Variants in WIPI2 observed in about 807,000 individuals in gnomAD.
WIPI2 encodes the protein WD repeat domain, phosphoinositide interacting 2.
In WIPI2, 28 loss-of-function variants were observed where a neutral mutation model predicts 52.3. That is an observed-to-expected ratio of 0.54 (90% CI 0.40 to 0.73). The LOEUF (loss-of-function observed/expected upper bound fraction) is 0.73, where lower values mean the gene tolerates loss of function less well. Among genes scored for constraint, WIPI2 ranks in the 30% least tolerant of loss-of-function variants. The probability of loss-of-function intolerance (pLI) is 0.00; values close to 1 mark genes in which losing one functional copy is unlikely to be tolerated. For missense variants in WIPI2, 506 were observed against 602.9 expected, an observed-to-expected ratio of 0.84 and a Z score of 1.68; for synonymous variants, 268 against 245.0, an observed-to-expected ratio of 1.09 and a Z score of -0.88.
chr7:5,232,635 C>T lies in WIPI2; in HGVS notation c.*1688C>T, dbSNP rs10242373. 626 of 259,908 alleles carry T rather than the reference C, an allele frequency of 2.4e-3. 7 individuals carry two copies. The highest frequency in any genetic ancestry group is 0.013 in the African/African-American group (577 of 45,574). 16.1% of individuals were successfully genotyped at this position (259,908 alleles called of 1,614,324 possible). A position where few individuals can be genotyped will look rare whatever the true frequency, so the allele number is the denominator to read the frequency against. ...GAGAAGGGCCGCGGCAGCACGCAGC[C>T]TTGACCCACGCCTGCGTCTTGTGGT... On this transcript the variant is annotated 3_prime_UTR_variant, in exon 13 of 13. Coordinates refer to ENST00000288828, the MANE Select transcript of WIPI2 (RefSeq NM_015610.4).
At position 5,217,118 on chromosome 7, in the gene WIPI2, C is replaced by G. The variant is rs1392919707; in HGVS notation, c.507C>G (p.Asp169Glu). ...AGLCALSINN[D>E]NCYLAYPGSA... ...TGTGTGCGCTGTCAATCAACAACGA[C>G]AACTGCTACTTGGCGTACCCAGGGA... Residue 169 changes from aspartate to glutamate, a missense_variant, in exon 6 of 13, where the codon GAC (aspartate) becomes GAG (glutamate). By Grantham distance (45) the Asp-to-Glu change is conservative. Transcript: ENST00000288828. 2.6e-5 allele frequency: 42 copies of G among 1,613,634 alleles called. No homozygotes were observed. Among genetic ancestry groups the G allele is most frequent in the Non-Finnish European group, 3.6e-5 (42 of 1,179,650 alleles).
intron 3 of WIPI2, among the ~76,000 whole-genome samples, chr7:5,201,602 C>T (rs1195161309): frequency 6.6e-6 from 1 of 152,162 alleles, no homozygotes; most frequent in Non-Finnish European, 1.5e-5. Flanking sequence ...AAAAATTAGC[C>T]AGGCATGGTG....
Position 5,190,507 on chromosome 7 carries a change from CG to C in WIPI2, c.74+19del. 11 of 1,490,046 alleles carry C rather than the reference CG, an allele frequency of 7.4e-6. No homozygotes were observed. The highest frequency in any genetic ancestry group is 2.9e-5 in the East Asian group (1 of 34,686). The allele number at this position is 1,490,046 out of a possible 1,614,324, so 92.3% of individuals were successfully genotyped here. On this transcript the variant is annotated intron_variant, in intron 1 of 12. Transcript: ENST00000288828. ...CCAGGACAACACGTAAGGCCGGGGT[CG>C]GGGGTCGGAGTCGGGGTGAGGCCAG... is the stretch of plus-strand genomic sequence containing the variant.
intron 4 of WIPI2, 124 bp from the exon 5 acceptor site, chr7:5,216,439 A>C: frequency 1.3e-6 from 1 of 780,616 alleles, no homozygotes; most frequent in South Asian, 1.8e-5. Flanking sequence ...CTCCAAAAAA[A>C]TAAAATACAA....
intron 8 of WIPI2, among the ~76,000 whole-genome samples, chr7:5,224,453 T>A (rs1465712907): frequency 6.6e-6 from 1 of 152,210 alleles, no homozygotes; most frequent in Non-Finnish European, 1.5e-5. Context: ...AGCCGATTCA[T>A]CAAGATGGGA....
intron 8 of WIPI2, among the ~76,000 whole-genome samples, chr7:5,224,712 T>A (rs1783340602): frequency 6.6e-6 from 1 of 152,228 alleles, no homozygotes. Context: ...TTCATTGATC[T>A]GTGTGGGGCC....
chr7:5,215,636 C>G (rs1180659433), intron 4 of WIPI2, among the ~76,000 whole-genome samples: 1 of 152,246 alleles, frequency 6.6e-6, no homozygotes, highest in Non-Finnish European at 1.5e-5. Flanking sequence ...GATACAGTGA[C>G]TAGGTGAAGT....
At chr7:5,199,063 A>G (rs149458658) in intron 2 of WIPI2, among the ~76,000 whole-genome samples, 17 of 152,310 alleles carry the variant, frequency 1.1e-4, no homozygotes, top group African/African-American at 4.1e-4. Context: ...TCCGTCTCCC[A>G]GGCTGGAGTG....
intron 3 of WIPI2, among the ~76,000 whole-genome samples, chr7:5,209,611 A>G (rs929660816): frequency 6.6e-6 from 1 of 152,114 alleles, no homozygotes; most frequent in African/African-American, 2.4e-5. Context: ...GCTCTTTGAG[A>G]TGATCGTCTC....
intron 3 of WIPI2, among the ~76,000 whole-genome samples, chr7:5,203,623 G>T (rs1352840595): frequency 7.7e-6 from 1 of 130,266 alleles, no homozygotes; most frequent in African/African-American, 3.0e-5. Context: ...TTTACGTTCA[G>T]CCTTTTTTTT....
intron 7 of WIPI2, among the ~76,000 whole-genome samples, chr7:5,219,736 G>C (rs1783005989): frequency 6.6e-6 from 1 of 152,162 alleles, no homozygotes; most frequent in Non-Finnish European, 1.5e-5. Context: ...GGTTATTTTT[G>C]TATATGGATG....
rs1783471500 is a variant in WIPI2, at chr7:5,227,083, T to C, written c.849-97T>C. On this transcript the variant is annotated intron_variant, in intron 9 of 12. Coordinates refer to ENST00000288828, the MANE Select transcript of WIPI2 (RefSeq NM_015610.4). This position sits in a 1 kb window ranked among gnomAD's most constrained non-coding sequence, Gnocchi z 8.1. ...TTTTCCTGTGAAGAATGGAGACTTT[T>C]GCTGTCGGCTCCAGAGCTGTGCGTC... 4 of 1,497,348 alleles carry C rather than the reference T, an allele frequency of 2.7e-6. No homozygotes were observed. The highest frequency in any genetic ancestry group is 3.6e-6 in the Non-Finnish European group (4 of 1,107,382). The allele number at this position is 1,497,348 out of a possible 1,614,324, so 92.8% of individuals were successfully genotyped here.
chr7:5,197,981 C>T lies in WIPI2; in HGVS notation c.129-1595C>T, dbSNP rs909891000. Among the ~76,000 whole-genome samples, 7 of 152,300 alleles carry T rather than the reference C, an allele frequency of 4.6e-5. No individual in the cohort carries two copies. The East Asian group carries it at 7.7e-4, about 17-fold the overall frequency. Reference sequence around the variant, plus strand: ...AGAGGCACTTTTCTGATGAGGAAACCCCTTCTGTGGTGTCCCCGAGGCCCC... The same window carrying T: ...AGAGGCACTTTTCTGATGAGGAAACTCCTTCTGTGGTGTCCCCGAGGCCCC... On this transcript the variant is annotated intron_variant, in intron 2 of 12. Transcript: ENST00000288828.
At chr7:5,197,118 C>CAAAAA (rs869261081) in intron 2 of WIPI2, among the ~76,000 whole-genome samples, 1 of 41,432 alleles carries the variant, frequency 2.4e-5, no homozygotes, top group African/African-American at 7.6e-5. Flanking sequence ...TCTCAAAAAA[C>CAAAAA]AAAAAAAAAA....
chr7:5,217,701 G>A (rs1428584520), intron 6 of WIPI2: 36 of 562,464 alleles, frequency 6.4e-5, no homozygotes, highest in Non-Finnish European at 1.1e-4. Context: ...AATGTTTGAA[G>A]GAACATAGAA....
At chr7:5,204,668 T>C (rs369347077) in intron 3 of WIPI2, among the ~76,000 whole-genome samples, 11 of 152,102 alleles carry the variant, frequency 7.2e-5, no homozygotes, top group South Asian at 2.1e-4. Context: ...TTTTGTGTTA[T>C]GGCTGTTACC....
rs1213821409 is a variant in WIPI2 at position 5,231,653 on chromosome 7, G to T, written c.*706G>T. 1 of 152,440 alleles carries T rather than the reference G, an allele frequency of 6.6e-6. No homozygotes were observed. Among genetic ancestry groups the T allele is most frequent in the East Asian group, 1.9e-4 (1 of 5,210 alleles). The allele number at this position is 152,440 out of a possible 1,614,324, so 9.4% of individuals were successfully genotyped here. On this transcript the variant is annotated 3_prime_UTR_variant, in exon 13 of 13. Coordinates refer to ENST00000288828, the MANE Select transcript of WIPI2 (RefSeq NM_015610.4). ...TTCAGGCAGCAAATGAACTTGAAAG[G>T]TTGCCTGGACTCGCTGGAGCAAAGG...
chr7:5,216,735 T>C, intron 5 of WIPI2, 76 bp downstream of exon 5: 2 of 1,422,520 alleles, frequency 1.4e-6, no homozygotes, highest in Non-Finnish European at 2.0e-6. Flanking sequence ...GAGAGAGATT[T>C]TTTCTTTTTA....
chr7:5,220,175 A>G (rs1737386799), intron 7 of WIPI2, among the ~76,000 whole-genome samples: 2 of 151,248 alleles, frequency 1.3e-5, no homozygotes, highest in South Asian at 4.2e-4. Context: ...ATCCCATTGT[A>G]TGAGTTTACC....
Sources: allele counts gnomAD v4.1 joint callset (sites outside exome capture counted in the v4.1 genomes callset), GRCh38; gene constraint gnomAD v4.1.1; non-coding constraint Gnocchi (gnomAD v3.1); transcripts MANE v1.5; gene names NCBI Gene and HGNC (gene_info 2026-07-23, HGNC 2026-07-21).